The following ROR1 variants were observed in gnomAD, a reference collection of about 807,000 sequenced individuals.
ROR1 encodes the protein ROR family WNT receptor 1.
ROR1 carries 19 observed loss-of-function variants against 78.8 expected under a neutral mutation model. That is an observed-to-expected ratio of 0.24 (90% CI 0.17 to 0.35). ROR1 has a LOEUF of 0.35. Ranked by LOEUF, ROR1 falls within the 10% of genes least tolerant of loss-of-function variation. The pLI is 1.00. For synonymous variants in ROR1, 386 were observed against 433.6 expected, an observed-to-expected ratio of 0.89 and a Z score of 1.36; for missense variants, 917 against 1,177.8, an observed-to-expected ratio of 0.78 and a Z score of 3.24.
intron 1 of ROR1, among the ~76,000 whole-genome samples, chr1:63,875,069 C>T (rs190759287): frequency 6.6e-6 from 1 of 152,202 alleles, no homozygotes; most frequent in East Asian, 1.9e-4. Flanking sequence ...TAGAGAACAG[C>T]CTGAAGCCGG....
intron 7 of ROR1, among the ~76,000 whole-genome samples, chr1:64,155,615 A>C (rs1569862798): frequency 6.6e-6 from 1 of 152,322 alleles, no homozygotes; most frequent in Middle Eastern, 3.4e-3. Flanking sequence ...TTACAATAGA[A>C]GACCTTCCAT....
rs71056017 is a variant in ROR1 at position 64,014,773 on chromosome 1, T to TATATATACACAC, written c.163+5398_163+5399insTATATACACACA. 1.1e-3 allele frequency among the ~76,000 whole-genome samples: 50 copies of TATATATACACAC among 46,980 alleles called. 4 individuals are homozygous for TATATATACACAC. The highest frequency in any genetic ancestry group is 9.6e-3 in the East Asian group (3 of 314). 30.8% of individuals were successfully genotyped at this position (46,980 alleles called of 152,430 possible). The stretch of plus-strand genomic sequence containing the variant: ...ATATATATATATATATATATATATA[T>TATATATACACAC]ACACATTTTGTCCTGGTTTGCCTTT... On this transcript the variant is annotated intron_variant, in intron 2 of 8. Coordinates refer to ENST00000371079, the MANE Select transcript of ROR1 (RefSeq NM_005012.4).
At chr1:64,093,462 A>G (rs981479147) in intron 4 of ROR1, among the ~76,000 whole-genome samples, 6 of 152,140 alleles carry the variant, frequency 3.9e-5, no homozygotes, top group African/African-American at 1.4e-4. Flanking sequence ...TTTCCCCAAT[A>G]CAAATCTGAC....
intron 1 of ROR1, among the ~76,000 whole-genome samples, chr1:63,834,608 C>T (rs953343728): frequency 2.0e-5 from 3 of 152,274 alleles, no homozygotes; most frequent in East Asian, 3.9e-4. Flanking sequence ...CTTAGGCTTA[C>T]TCTTAAAATG....
Position 64,132,609 on chromosome 1 carries a change from A to C in ROR1, c.483-4760A>C, listed in dbSNP as rs535440615. 2.0e-5 allele frequency among the ~76,000 whole-genome samples: 3 copies of C among 152,008 alleles called. No homozygotes were observed. The East Asian group carries it at 5.8e-4, about 30-fold the overall frequency. On this transcript the variant is annotated intron_variant, in intron 4 of 8. Transcript: ENST00000371079. ...ACCCTGTCTCTACTAAAAATACAAAAATTAGCCAGGCATGGTAGCACACGC... is the reference window on the plus strand; with the variant it reads ...ACCCTGTCTCTACTAAAAATACAAACATTAGCCAGGCATGGTAGCACACGC...
intron 1 of ROR1, among the ~76,000 whole-genome samples, chr1:63,908,512 T>C (rs1198078091): frequency 3.9e-5 from 6 of 152,214 alleles, no homozygotes; most frequent in Non-Finnish European, 8.8e-5. Flanking sequence ...CATTTTGGTG[T>C]CTTAACCTCT....
intron 1 of ROR1, among the ~76,000 whole-genome samples, chr1:63,842,447 A>C (rs1021403710): frequency 2.6e-5 from 4 of 152,156 alleles, no homozygotes; most frequent in Admixed American, 6.5e-5. Flanking sequence ...GTTACAGGAG[A>C]GAAACTCTGA....
chr1:64,075,373 G>A (rs2100623199), intron 4 of ROR1, among the ~76,000 whole-genome samples: 1 of 152,238 alleles, frequency 6.6e-6, no homozygotes, highest in South Asian at 2.1e-4. Flanking sequence ...GTGATCTGGG[G>A]CAAGTTACTT....
chr1:64,082,040 G>A (rs1193578680), intron 4 of ROR1, among the ~76,000 whole-genome samples: 1 of 152,166 alleles, frequency 6.6e-6, no homozygotes, highest in Non-Finnish European at 1.5e-5. Context: ...ATTTACAGCT[G>A]TAGACAGAAC....
chr1:63,940,460 A>C (rs942129100), intron 1 of ROR1, among the ~76,000 whole-genome samples: 11 of 151,092 alleles, frequency 7.3e-5, no homozygotes, highest in Non-Finnish European at 1.5e-4. Flanking sequence ...CAGGTAGGTA[A>C]GTACGTAGAT....
chr1:63,829,325 C>T (rs1482601271), intron 1 of ROR1, among the ~76,000 whole-genome samples: 2 of 152,306 alleles, frequency 1.3e-5, no homozygotes, highest in Non-Finnish European at 1.5e-5. Flanking sequence ...GCAGTTCCTG[C>T]CTTCACAGAG....
At position 64,047,601 on chromosome 1, in the gene ROR1, G is replaced by T. The variant is rs113316814; in HGVS notation, c.164-2090G>T. Among the ~76,000 whole-genome samples the T allele has an allele frequency of 3.8e-3, 585 of 152,266 alleles. 7 individuals are homozygous for T. Among genetic ancestry groups the T allele is most frequent in the African/African-American group, 0.013 (556 of 41,532 alleles). ...ATCTCTAAGTTTCTCTCCACAAAGG[G>T]TACATAGTTATCTATTCTCAATGAA... On this transcript the variant is annotated intron_variant, in intron 2 of 8. Transcript: ENST00000371079.
rs10709706 is a variant in ROR1, at chr1:64,179,024, G to GAAAAAAA, written c.*185_*191dup. On this transcript the variant is annotated 3_prime_UTR_variant, in exon 9 of 9. Transcript: ENST00000371079. ...ACCAAGCAGGACAGACACTCGGCCA[G>GAAAAAAA]AAAAAAAAAAAAAAAAAAAAAACAA... is the stretch of plus-strand genomic sequence containing the variant. 22 of 157,766 alleles carry GAAAAAAA rather than the reference G, an allele frequency of 1.4e-4. No homozygotes were observed. Among genetic ancestry groups the GAAAAAAA allele is most frequent in the African/African-American group, 2.1e-4 (5 of 23,322 alleles). 9.8% of individuals were successfully genotyped at this position (157,766 alleles called of 1,614,324 possible). A position where few individuals can be genotyped will look rare whatever the true frequency, so the allele number is the denominator to read the frequency against.
intron 1 of ROR1, among the ~76,000 whole-genome samples, chr1:63,891,864 C>T (rs1035741861): frequency 6.6e-6 from 1 of 152,094 alleles, no homozygotes; most frequent in African/African-American, 2.4e-5. Flanking sequence ...CTACATTATA[C>T]CACTGACTTT....
intron 4 of ROR1, among the ~76,000 whole-genome samples, chr1:64,082,073 G>T (rs1436863881): frequency 2.0e-5 from 3 of 152,090 alleles, no homozygotes. Flanking sequence ...TAAAATTTTG[G>T]AGTCATAGAT....
chr1:63,967,847 T>C (rs1646087494), intron 1 of ROR1, among the ~76,000 whole-genome samples: 1 of 152,224 alleles, frequency 6.6e-6, no homozygotes, highest in Non-Finnish European at 1.5e-5. Context: ...TTGGGGCATT[T>C]GGGTTTCTGT....
At chr1:63,908,237 C>A (rs1024086706) in intron 1 of ROR1, among the ~76,000 whole-genome samples, 14 of 152,144 alleles carry the variant, frequency 9.2e-5, no homozygotes, top group African/African-American at 3.4e-4. Flanking sequence ...ATTTCTCCCC[C>A]TGAAGCAAGC....
At chr1:63,789,064 G>A (rs1469185078) in intron 1 of ROR1, 9 of 620,408 alleles carry the variant, frequency 1.5e-5, no homozygotes, top group Admixed American at 3.7e-5. Flanking sequence ...GTACCCTTTC[G>A]CTTACCTATG....
chr1:63,929,102 C>T (rs930654610), intron 1 of ROR1, among the ~76,000 whole-genome samples: 8 of 152,202 alleles, frequency 5.3e-5, no homozygotes, highest in Non-Finnish European at 7.3e-5. Flanking sequence ...ATGGGGCTTC[C>T]ACCCTTTCCA....
Sources: gnomAD v4.1 joint callset for allele counts (sites outside exome capture counted in the v4.1 genomes callset) on GRCh38, gnomAD v4.1.1 for gene constraint, MANE v1.5 for transcripts, NCBI Gene and HGNC (gene_info 2026-07-23, HGNC 2026-07-21) for gene names.